The following SLC45A4 variants were observed in gnomAD, a reference collection of about 807,000 sequenced individuals.
The protein encoded by SLC45A4 is polyamine-transporter SLC45A4.
In SLC45A4, 32 loss-of-function variants were observed where a neutral mutation model predicts 63.7. The ratio of observed to expected loss-of-function variants is 0.50; its 90% confidence interval spans 0.38 to 0.67. The LOEUF (loss-of-function observed/expected upper bound fraction) is 0.67. SLC45A4 is among the 30% of genes least tolerant of loss of function. The pLI is 0.00. For missense variants in SLC45A4, 1,027 were observed against 1,157.7 expected (o/e 0.89, Z 1.64); for synonymous variants, 535 against 510.0 (o/e 1.05, Z -0.66).
At chr8:141,214,161 C>T (rs1380096103) in intron 7 of SLC45A4, among the ~76,000 whole-genome samples, 1 of 147,566 alleles carries the variant, frequency 6.8e-6, no homozygotes, top group Non-Finnish European at 1.5e-5. Context: ...CACTGCACTC[C>T]AGCCTGGGCG....
intron 7 of SLC45A4, among the ~76,000 whole-genome samples, chr8:141,212,942 T>G (rs1825927550): frequency 6.6e-6 from 1 of 152,190 alleles, no homozygotes. Context: ...CCCAGGTTGA[T>G]GCCTCCCAAA....
chr8:141,235,573 G>T (rs1386744994), intron 2 of SLC45A4, among the ~76,000 whole-genome samples: 1 of 152,224 alleles, frequency 6.6e-6, no homozygotes, highest in African/African-American at 2.4e-5. Context: ...AGCCAGGCTG[G>T]CCTTGGGCTT....
intron 2 of SLC45A4, among the ~76,000 whole-genome samples, chr8:141,246,674 T>C (rs1828220723): frequency 2.3e-5 from 1 of 43,736 alleles, no homozygotes; most frequent in Non-Finnish European, 5.2e-5. Flanking sequence ...AGAGGGTATC[T>C]CAGGGGTCTC....
At chr8:141,294,879 C>T (rs1264748606) in intron 1 of SLC45A4, among the ~76,000 whole-genome samples, 1 of 152,246 alleles carries the variant, frequency 6.6e-6, no homozygotes. Context: ...TCATCTAACC[C>T]TCTGGGGGCT....
chr8:141,246,155 T>C (rs1196847432), intron 2 of SLC45A4, among the ~76,000 whole-genome samples: 1 of 152,140 alleles, frequency 6.6e-6, no homozygotes, highest in Non-Finnish European at 1.5e-5. Flanking sequence ...TCTACCAAGA[T>C]GAGGATTGAG....
chr8:141,212,444 A>G lies in SLC45A4; in HGVS notation c.2054T>C (p.Val685Ala), dbSNP rs1569557832. Residue 685 changes from valine to alanine, a missense_variant, in exon 8 of 9, where the codon GTG becomes GCG. Val to Ala is a moderately conservative substitution (Grantham distance 64, BLOSUM62 0). Coordinates refer to ENST00000517878, the MANE Select transcript of SLC45A4 (RefSeq NM_001286646.2). Reference sequence around the variant, plus strand: ...GCGGACAGTCCCCACGGCGTCGACCACGCCCCCAAGGGCAGAGGCCACCAG... The same window carrying G: ...GCGGACAGTCCCCACGGCGTCGACCGCGCCCCCAAGGGCAGAGGCCACCAG... ...QILVASALGG[V>A]VDAVGTVRVI... 6.2e-7 allele frequency: 1 copy of G among 1,613,678 alleles called. No individual in the cohort carries two copies. The highest frequency in any genetic ancestry group is 1.3e-5 in the African/African-American group (1 of 74,930).
rs1382593526 is a variant in SLC45A4, at chr8:141,219,664, T to G, written c.596A>C (p.His199Pro). The change falls in exon 4 of 9, where the codon CAC (histidine) becomes CCC (proline). Residue 199 changes from histidine (H) to proline (P), a missense_variant. Coordinates refer to ENST00000517878, the MANE Select transcript of SLC45A4 (RefSeq NM_001286646.2). ...SEEQDMALNI[H>P]AFSAGLGGAI... ...GGCAGCGTTACCGGCAGAGAAGGCGTGGATGTTGAGGGCCATGTCCTGCTC... is the reference window on the plus strand; with the variant it reads ...GGCAGCGTTACCGGCAGAGAAGGCGGGGATGTTGAGGGCCATGTCCTGCTC... 21 of 1,609,572 alleles carry G rather than the reference T, an allele frequency of 1.3e-5. No individual in the cohort carries two copies. Among genetic ancestry groups the G allele is most frequent in the Non-Finnish European group, 1.7e-5 (20 of 1,177,906 alleles).
intron 1 of SLC45A4, among the ~76,000 whole-genome samples, chr8:141,302,390 C>CG (rs967601668): frequency 6.7e-6 from 1 of 149,298 alleles, no homozygotes; most frequent in African/African-American, 2.5e-5. Context: ...CCCCCATCCC[C>CG]GCTGCCCTCC....
rs749769828 is a variant in SLC45A4, at chr8:141,211,509, G to A, written c.*63C>T. The A allele has an allele frequency of 1.9e-6, 3 of 1,611,318 alleles. No homozygotes were observed. Among genetic ancestry groups the A allele is most frequent in the South Asian group, 1.1e-5 (1 of 90,648 alleles). ...GCTTTGGTGTGCGGTCGCTGCCCAA[G>A]GACAGGGCTGCCCTGGGCACAATGT... On this transcript the variant is annotated 3_prime_UTR_variant, in exon 9 of 9. Transcript: ENST00000517878.
intron 2 of SLC45A4, among the ~76,000 whole-genome samples, chr8:141,240,260 G>A (rs1271608999): frequency 6.6e-6 from 1 of 152,242 alleles, no homozygotes; most frequent in Non-Finnish European, 1.5e-5. Context: ...GTGGAGAGAA[G>A]TTAGGCTCTC....
Position 141,273,955 on chromosome 8 carries a change from C to T in SLC45A4, c.-400-19326G>A, listed in dbSNP as rs190409971. ...TAAAAAACGTAAAGTTTGGGCCAGGCGTGGTGGCTCACGCCTGTAATCCCA... is the reference window on the plus strand; with the variant it reads ...TAAAAAACGTAAAGTTTGGGCCAGGTGTGGTGGCTCACGCCTGTAATCCCA... On this transcript the variant is annotated intron_variant, in intron 1 of 8. Coordinates refer to ENST00000517878, the MANE Select transcript of SLC45A4 (RefSeq NM_001286646.2). Among the ~76,000 whole-genome samples, 389 of 151,704 alleles carry T rather than the reference C, an allele frequency of 2.6e-3. 15 individuals carry two copies. Among genetic ancestry groups the T allele is most frequent in the Admixed American group, 0.025 (384 of 15,258 alleles).
At chr8:141,219,563 G>A (rs1340028771) in intron 4 of SLC45A4, 87 bp downstream of exon 4, 8 of 1,447,776 alleles carry the variant, frequency 5.5e-6, no homozygotes, top group Middle Eastern at 1.8e-4. Context: ...ATGAGGCAGC[G>A]CTGACAACAC....
At chr8:141,277,144 G>A (rs1829759912) in intron 1 of SLC45A4, among the ~76,000 whole-genome samples, 1 of 152,248 alleles carries the variant, frequency 6.6e-6, no homozygotes, top group Admixed American at 6.5e-5. Flanking sequence ...ATGGCAACGG[G>A]CAATGCAAAG....
At chr8:141,294,666 G>A (rs1322966769) in intron 1 of SLC45A4, among the ~76,000 whole-genome samples, 1 of 152,270 alleles carries the variant, frequency 6.6e-6, no homozygotes, top group African/African-American at 2.4e-5. Flanking sequence ...GGGAACCCAT[G>A]CATGCTAAAT....
chr8:141,300,030 C>A (rs1729268193), intron 1 of SLC45A4, among the ~76,000 whole-genome samples: 1 of 152,156 alleles, frequency 6.6e-6, no homozygotes, highest in Admixed American at 6.5e-5. Flanking sequence ...CTTCTCCTCA[C>A]CCATCCCTGG....
At chr8:141,235,459 G>A (rs2154614400) in intron 2 of SLC45A4, among the ~76,000 whole-genome samples, 1 of 152,302 alleles carries the variant, frequency 6.6e-6, no homozygotes, top group Admixed American at 6.5e-5. Context: ...TTCGTATTCT[G>A]GAGAATATGA....
intron 2 of SLC45A4, among the ~76,000 whole-genome samples, chr8:141,231,242 G>A (rs1023389577): frequency 6.6e-6 from 1 of 152,240 alleles, no homozygotes; most frequent in Non-Finnish European, 1.5e-5. Context: ...CAGCCAGGCC[G>A]GGAAGGCCTT....
chr8:141,273,083 G>C (rs1829600722), intron 1 of SLC45A4, among the ~76,000 whole-genome samples: 1 of 152,216 alleles, frequency 6.6e-6, no homozygotes. Flanking sequence ...GCTCATTTAA[G>C]AGGAAATCAC....
At position 141,215,772 on chromosome 8, in the gene SLC45A4, T is replaced by C. The variant is rs1826106107; in HGVS notation, c.1928A>G (p.His643Arg). The C allele has an allele frequency of 6.2e-7, 1 of 1,613,412 alleles. No individual in the cohort carries two copies. Among genetic ancestry groups the C allele is most frequent in the Non-Finnish European group, 8.5e-7 (1 of 1,180,000 alleles). Residue 643 changes from histidine (H) to arginine (R), a missense_variant, in exon 7 of 9, where the codon CAT (histidine) becomes CGT (arginine). His to Arg is a conservative substitution (Grantham distance 29). Transcript: ENST00000517878. This position sits in a 1 kb window ranked among gnomAD's most constrained non-coding sequence, Gnocchi z 4.3. The stretch of plus-strand genomic sequence containing the variant: ...CGGTGGACGCACCTGCTTGATGTCA[T>C]GGTACTGGCCCAGCAGGGCGTACGG... ...YCPYALLGQY[H>R]DIKQYIHHSP...
Sources: gnomAD v4.1 joint callset for allele counts (sites outside exome capture counted in the v4.1 genomes callset) on GRCh38, gnomAD v4.1.1 for gene constraint, Gnocchi (gnomAD v3.1) non-coding constraint, MANE v1.5 for transcripts, NCBI Gene and HGNC (gene_info 2026-07-23, HGNC 2026-07-21) for gene names.